The following TTLL5 variants were observed in gnomAD, a reference collection of about 807,000 sequenced individuals.
The protein encoded by TTLL5 is tubulin tyrosine ligase like 5, also known as tubulin polyglutamylase TTLL5.
TTLL5 carries 132 observed loss-of-function variants against 168.4 expected under a neutral mutation model. The ratio of observed to expected loss-of-function variants is 0.78; its 90% CI spans 0.68 to 0.91. TTLL5 has a LOEUF of 0.91. Ranked by LOEUF, TTLL5 falls within the 40% of genes least tolerant of loss-of-function variation. The pLI is 0.00. For synonymous variants in TTLL5, 546 were observed against 558.6 expected (o/e 0.98, Z 0.32); for missense variants, 1,545 against 1,581.5 (o/e 0.98, Z 0.39).
chr14:75,735,273 C>A lies in TTLL5; in HGVS notation c.1265C>A (p.Pro422His), dbSNP rs1338062886. The A allele has an allele frequency of 1.2e-6, 2 of 1,614,184 alleles. No individual in the cohort carries two copies. The highest frequency in any genetic ancestry group is 1.7e-6 in the Non-Finnish European group (2 of 1,179,978). The change falls in exon 15 of 32, where the codon CCT (proline) becomes CAT (histidine). Residue 422 changes from proline (P) to histidine (H), a missense_variant. By Grantham distance (77) the Pro-to-His change is moderately conservative. Coordinates refer to ENST00000298832, the MANE Select transcript of TTLL5 (RefSeq NM_015072.5). ...ACCTTTGAGTCTTCCAGGCGAAACC[C>A]TTTCCAGAAACCTCAGGTAAGCCAA... is the stretch of plus-strand genomic sequence containing the variant. ...YPTFESSRRN[P>H]FQKPQRCRPL...
chr14:75,918,539 G>A (rs2033701501), intron 31 of TTLL5, among the ~76,000 whole-genome samples: 1 of 152,094 alleles, frequency 6.6e-6, no homozygotes, highest in African/African-American at 2.4e-5. Flanking sequence ...TTCAGTTACA[G>A]TAACACATGA....
At chr14:75,855,559 G>T (rs1897089055) in intron 28 of TTLL5, among the ~76,000 whole-genome samples, 1 of 152,328 alleles carries the variant, frequency 6.6e-6, no homozygotes, top group South Asian at 2.1e-4. Flanking sequence ...CTGGAAGATG[G>T]AGTTCAGGAT....
intron 27 of TTLL5, among the ~76,000 whole-genome samples, chr14:75,795,593 A>C (rs1422693572): frequency 6.6e-6 from 1 of 152,094 alleles, no homozygotes; most frequent in Non-Finnish European, 1.5e-5. Context: ...CCTTCCCCCC[A>C]AGTCCCCAAA....
At chr14:75,905,807 G>A (rs889966432) in intron 31 of TTLL5, among the ~76,000 whole-genome samples, 2 of 152,156 alleles carry the variant, frequency 1.3e-5, no homozygotes, top group African/African-American at 2.4e-5. Context: ...GTCTGAAGCC[G>A]CAGCAGCTGC....
At chr14:75,679,344 G>A (rs1884422759) in intron 3 of TTLL5, among the ~76,000 whole-genome samples, 1 of 152,172 alleles carries the variant, frequency 6.6e-6, no homozygotes, top group South Asian at 2.1e-4. Context: ...GGGACCATAA[G>A]CCATAAGCCA....
intron 28 of TTLL5, among the ~76,000 whole-genome samples, chr14:75,837,843 A>ATG (rs1178933187): frequency 6.6e-6 from 1 of 152,068 alleles, no homozygotes; most frequent in Non-Finnish European, 1.5e-5. Flanking sequence ...ATCTAGATAT[A>ATG]TGTGTGTGTG....
intron 31 of TTLL5, among the ~76,000 whole-genome samples, chr14:75,919,197 C>CAAA (rs10655974): frequency 0.52 from 29,141 of 56,048 alleles, 7,913 homozygotes; most frequent in Non-Finnish European, 0.59. Context: ...AAGACCGTCT[C>CAAA]AAAAAAAAAA....
intron 26 of TTLL5, among the ~76,000 whole-genome samples, chr14:75,789,868 TA>T (rs1459581934): frequency 6.6e-6 from 1 of 152,186 alleles, no homozygotes; most frequent in Non-Finnish European, 1.5e-5. Context: ...AAGCCTATTC[TA>T]AAATGATAAT....
intron 31 of TTLL5, among the ~76,000 whole-genome samples, chr14:75,914,032 AAAT>A (rs1462917183): frequency 4.4e-4 from 52 of 117,548 alleles, no homozygotes; most frequent in African/African-American, 6.2e-4. Context: ...AAAAAAAAAA[AAAT>A]ATATATATAT....
intron 6 of TTLL5, 117 bp downstream of exon 6, chr14:75,690,439 T>A: frequency 7.7e-7 from 1 of 1,295,002 alleles, no homozygotes; most frequent in Non-Finnish European, 1.0e-6. Context: ...TAGACAACTG[T>A]GACTCTTTAG....
At chr14:75,708,993 A>G (rs1886854483) in intron 9 of TTLL5, among the ~76,000 whole-genome samples, 1 of 152,184 alleles carries the variant, frequency 6.6e-6, no homozygotes, top group African/African-American at 2.4e-5. Context: ...AAAACTCATA[A>G]TATTTTGAGA....
At chr14:75,756,403 T>G (rs1334872034) in intron 18 of TTLL5, among the ~76,000 whole-genome samples, 1 of 152,168 alleles carries the variant, frequency 6.6e-6, no homozygotes, top group African/African-American at 2.4e-5. Flanking sequence ...CATGGTGATA[T>G]AATCATTGAG....
chr14:75,902,355 G>A (rs947257036), intron 31 of TTLL5, 131 bp downstream of exon 31: 18 of 935,924 alleles, frequency 1.9e-5, no homozygotes, highest in Non-Finnish European at 2.9e-5. Flanking sequence ...CAAAACATTG[G>A]CAAATGGGCA....
chr14:75,942,493 C>T (rs999768104), intron 31 of TTLL5, among the ~76,000 whole-genome samples: 1 of 152,092 alleles, frequency 6.6e-6, no homozygotes, highest in Non-Finnish European at 1.5e-5. Context: ...TGAAAATAAG[C>T]AGTATATGCA....
chr14:75,875,586 TC>T (rs2031425237), intron 29 of TTLL5, among the ~76,000 whole-genome samples: 1 of 152,120 alleles, frequency 6.6e-6, no homozygotes. Flanking sequence ...TTTACATATT[TC>T]CATAGCTTCA....
chr14:75,813,790 TACCA>T (rs145477500), intron 27 of TTLL5, among the ~76,000 whole-genome samples: 1 of 150,896 alleles, frequency 6.6e-6, no homozygotes, highest in African/African-American at 2.4e-5. Flanking sequence ...TGATTAGCTT[TACCA>T]GTAGGGCATG....
intron 12 of TTLL5, among the ~76,000 whole-genome samples, chr14:75,728,221 T>C (rs1888307346): frequency 6.6e-6 from 1 of 151,994 alleles, no homozygotes; most frequent in Admixed American, 6.6e-5. Flanking sequence ...CCAGGCATGG[T>C]GGCAGGTGCC....
At chr14:75,738,944 A>G (rs1272926245) in intron 15 of TTLL5, among the ~76,000 whole-genome samples, 1 of 151,996 alleles carries the variant, frequency 6.6e-6, no homozygotes, top group African/African-American at 2.4e-5. Context: ...AGCTGGGACT[A>G]CAGGTGCACA....
intron 18 of TTLL5, chr14:75,757,999 T>G: frequency 2.1e-6 from 2 of 970,296 alleles, no homozygotes; most frequent in Non-Finnish European, 2.7e-6. Context: ...AAAAATTTTT[T>G]CTATTGAAAA....
Sources: gnomAD v4.1 joint callset for allele counts (sites outside exome capture counted in the v4.1 genomes callset) on GRCh38, gnomAD v4.1.1 for gene constraint, MANE v1.5 for transcripts, NCBI Gene and HGNC (gene_info 2026-07-23, HGNC 2026-07-21) for gene names.